Variants in SOCS5 observed in about 807,000 individuals in gnomAD.
SOCS5 encodes the protein suppressor of cytokine signaling 5, also known as CIS-6.
A neutral mutation model predicts 42.8 loss-of-function variants in SOCS5; 32 were observed. The ratio of observed to expected loss-of-function variants is 0.75; its 90% CI spans 0.56 to 1.01. SOCS5 has a LOEUF of 1.01. Ranked by LOEUF, SOCS5 falls within the 50% of genes least tolerant of loss-of-function variation. The pLI, the probability that SOCS5 is intolerant of heterozygous loss-of-function variation, is 0.00. For synonymous variants in SOCS5, 283 were observed against 229.6 expected (o/e 1.23, Z -2.10); for missense variants, 627 against 653.0 (o/e 0.96, Z 0.43).
intron 1 of SOCS5, among the ~76,000 whole-genome samples, chr2:46,718,004 CCTT>C (rs1277519309): frequency 6.6e-6 from 1 of 152,180 alleles, no homozygotes; most frequent in Non-Finnish European, 1.5e-5. Flanking sequence ...TCCACAGCTC[CCTT>C]CTTCTAGTTT....
At chr2:46,714,421 T>C (rs1217052361) in intron 1 of SOCS5, among the ~76,000 whole-genome samples, 1 of 152,244 alleles carries the variant, frequency 6.6e-6, no homozygotes, top group Non-Finnish European at 1.5e-5. Context: ...TAGTTTCCGT[T>C]GTTCTGAAGT....
intron 1 of SOCS5, among the ~76,000 whole-genome samples, chr2:46,733,440 GC>G (rs1673171823): frequency 6.6e-6 from 1 of 152,016 alleles, no homozygotes; most frequent in Non-Finnish European, 1.5e-5. Flanking sequence ...TGGGTGTGGG[GC>G]CCATGCCTGT....
Position 46,713,634 on chromosome 2 carries a change from G to A in SOCS5, c.-13+14185G>A, listed in dbSNP as rs1379991934. Among the ~76,000 whole-genome samples the A allele has an allele frequency of 2.0e-5, 3 of 151,554 alleles. 1 individual carries two copies. Among genetic ancestry groups the A allele is most frequent in the African/African-American group, 7.3e-5 (3 of 41,250 alleles). ...CAACTTTTGACATTGCTTTTTCTCT[G>A]TGGTTTATCTGTTTTCTGTTTCATG... On this transcript the variant is annotated intron_variant, in intron 1 of 1. Coordinates refer to ENST00000394861, the MANE Select transcript of SOCS5 (RefSeq NM_144949.3).
At position 46,759,768 on chromosome 2, in the gene SOCS5, A is replaced by G. The variant is rs199872386; in HGVS notation, c.1238A>G (p.Tyr413Cys). ...FLLRDSAQED[Y>C]LFSVSFRRYN... is the part of the protein sequence containing the mutation. ...CTCAGGGACTCTGCGCAAGAGGACT[A>G]CCTCTTCTCTGTGAGCTTCCGCCGC... The change falls in exon 2 of 2, where the codon TAC becomes TGC. Residue 413 changes from tyrosine (Y) to cysteine (C), a missense_variant. Transcript: ENST00000394861. 3.1e-6 allele frequency: 5 copies of G among 1,613,924 alleles called. No homozygotes were observed. The highest frequency in any genetic ancestry group is 2.2e-5 in the East Asian group (1 of 44,878).
chr2:46,703,283 G>C (rs1284266863), intron 1 of SOCS5, among the ~76,000 whole-genome samples: 4 of 151,948 alleles, frequency 2.6e-5, no homozygotes, highest in African/African-American at 9.7e-5. Flanking sequence ...AAATACCTGG[G>C]CCAGCTATTG....
rs1252683558 is a variant in SOCS5, at chr2:46,701,704, C to G, written c.-13+2255C>G. Among the ~76,000 whole-genome samples, 3 of 149,908 alleles carry G rather than the reference C, an allele frequency of 2.0e-5. No individual in the cohort carries two copies. In the East Asian group the frequency reaches 5.8e-4, roughly 29 times the overall value. On this transcript the variant is annotated intron_variant, in intron 1 of 1. Transcript: ENST00000394861. ...TTTAAAAGTTTAAAACAATATGCTGCATTGTTAGCGTTAGTGCTGATAGTT... is the reference window on the plus strand; with the variant it reads ...TTTAAAAGTTTAAAACAATATGCTGGATTGTTAGCGTTAGTGCTGATAGTT...
rs1428259368 is a variant in SOCS5 at position 46,699,894 on chromosome 2, A to G, written c.-13+445A>G. 1.3e-5 allele frequency among the ~76,000 whole-genome samples: 2 copies of G among 152,084 alleles called. No homozygotes were observed. Among genetic ancestry groups the G allele is most frequent in the African/African-American group, 4.8e-5 (2 of 41,398 alleles). On this transcript the variant is annotated intron_variant, in intron 1 of 1. Coordinates refer to ENST00000394861, the MANE Select transcript of SOCS5 (RefSeq NM_144949.3). The surrounding 1 kb of genome is among the most constrained non-coding windows in gnomAD (Gnocchi z 4.8). The stretch of plus-strand genomic sequence containing the variant: ...ACCGACCAAGTCACTTGGGGCTCCA[A>G]GAGCCCGATCTGGGGGTCTTCAAGG...
At chr2:46,724,368 G>C (rs895107748) in intron 1 of SOCS5, among the ~76,000 whole-genome samples, 1 of 151,904 alleles carries the variant, frequency 6.6e-6, no homozygotes, top group South Asian at 2.1e-4. Flanking sequence ...AAGCATTCAG[G>C]CTTTCACCAT....
rs562419047 is a variant in SOCS5, at chr2:46,751,498, A to G, written c.-12-7021A>G. Reference sequence around the variant, plus strand: ...AGAAGATTATGTACAGGTTTTGCATAAAAGAAAACATGTGGAAAGATACTC... The same window carrying G: ...AGAAGATTATGTACAGGTTTTGCATGAAAGAAAACATGTGGAAAGATACTC... On this transcript the variant is annotated intron_variant, in intron 1 of 1. Coordinates refer to ENST00000394861, the MANE Select transcript of SOCS5 (RefSeq NM_144949.3). 4.6e-3 allele frequency among the ~76,000 whole-genome samples: 695 copies of G among 152,246 alleles called. 9 individuals are homozygous for G. The highest frequency in any genetic ancestry group is 0.016 in the African/African-American group (658 of 41,540).
intron 1 of SOCS5, among the ~76,000 whole-genome samples, chr2:46,706,896 A>G (rs1434078907): frequency 6.6e-6 from 1 of 152,246 alleles, no homozygotes; most frequent in Non-Finnish European, 1.5e-5. Context: ...CAAAATTGAG[A>G]TAAAATATAA....
At position 46,760,536 on chromosome 2, in the gene SOCS5, T is replaced by G. The variant is rs1465538123; in HGVS notation, c.*395T>G. 5.7e-6 allele frequency: 1 copy of G among 176,300 alleles called. No homozygotes were observed. The highest frequency in any genetic ancestry group is 2.4e-5 in the African/African-American group (1 of 41,602). 10.9% of individuals were successfully genotyped at this position (176,300 alleles called of 1,614,324 possible). A position where few individuals can be genotyped will look rare whatever the true frequency, so the allele number is the denominator to read the frequency against. On this transcript the variant is annotated 3_prime_UTR_variant, in exon 2 of 2. Coordinates refer to ENST00000394861, the MANE Select transcript of SOCS5 (RefSeq NM_144949.3). Reference sequence around the variant, plus strand: ...TTTGAAATTATTTTTTCTAAGAGTTTTTCTATAACCTTCCAAAAGTCGTGA... The same window carrying G: ...TTTGAAATTATTTTTTCTAAGAGTTGTTCTATAACCTTCCAAAAGTCGTGA...
chr2:46,742,525 A>T (rs892123291), intron 1 of SOCS5, among the ~76,000 whole-genome samples: 4 of 152,074 alleles, frequency 2.6e-5, no homozygotes, highest in African/African-American at 9.7e-5. Flanking sequence ...ACCTTTGTTT[A>T]TGACATTTTT....
chr2:46,700,227 C>A (rs1672309855), intron 1 of SOCS5, among the ~76,000 whole-genome samples: 1 of 152,146 alleles, frequency 6.6e-6, no homozygotes, highest in South Asian at 2.1e-4. Context: ...GGATTGGAGT[C>A]ACAAGGAAAT....
chr2:46,714,623 A>G (rs1672699488), intron 1 of SOCS5, among the ~76,000 whole-genome samples: 1 of 152,176 alleles, frequency 6.6e-6, no homozygotes, highest in African/African-American at 2.4e-5. Flanking sequence ...AGGGTTGGCA[A>G]ACTATGGCTG....
chr2:46,708,684 T>A (rs752118955), intron 1 of SOCS5, among the ~76,000 whole-genome samples: 1 of 152,124 alleles, frequency 6.6e-6, no homozygotes, highest in Non-Finnish European at 1.5e-5. Context: ...GCCAGAAATA[T>A]TTGAGTGTCC....
chr2:46,736,248 A>G (rs892146163), intron 1 of SOCS5, among the ~76,000 whole-genome samples: 3 of 151,840 alleles, frequency 2.0e-5, no homozygotes, highest in African/African-American at 7.3e-5. Context: ...TCACTATATT[A>G]CCCAGGCTGG....
At chr2:46,732,675 A>C (rs1167241930) in intron 1 of SOCS5, among the ~76,000 whole-genome samples, 1 of 152,186 alleles carries the variant, frequency 6.6e-6, no homozygotes, top group Non-Finnish European at 1.5e-5. Context: ...GACAGTATGG[A>C]AGATAGTTTG....
chr2:46,709,951 G>T (rs1672579964), intron 1 of SOCS5, among the ~76,000 whole-genome samples: 1 of 151,972 alleles, frequency 6.6e-6, no homozygotes, highest in Non-Finnish European at 1.5e-5. Context: ...ATTACCTGGG[G>T]CTCTTTTTTA....
Position 46,758,551 on chromosome 2 carries a change from G to A in SOCS5, c.21G>A (p.Met7Ile). ...AATCAATGGATAAAGTGGGAAAAAT[G>A]TGGAATAACTTCAAATACAGGTGTC... is the stretch of plus-strand genomic sequence containing the variant. MDKVGKMWNNFKYRCQN... is the reference protein window; with the variant it reads MDKVGKIWNNFKYRCQN... The change falls in exon 2 of 2, where the codon ATG becomes ATA. Residue 7 changes from methionine (M) to isoleucine (I), a missense_variant. Met to Ile is a conservative substitution (Grantham distance 10). Transcript: ENST00000394861. 2 of 1,589,868 alleles carry A rather than the reference G, an allele frequency of 1.3e-6. No individual in the cohort carries two copies. The highest frequency in any genetic ancestry group is 1.7e-6 in the Non-Finnish European group (2 of 1,171,804).
Sources: allele counts gnomAD v4.1 joint callset (sites outside exome capture counted in the v4.1 genomes callset), GRCh38; gene constraint gnomAD v4.1.1; non-coding constraint Gnocchi (gnomAD v3.1); transcripts MANE v1.5; gene names NCBI Gene and HGNC (gene_info 2026-07-23, HGNC 2026-07-21).